PGAP3: variants seen among roughly 807,000 people sequenced by gnomAD.
PGAP3 encodes GPI-specific phospholipase A2-like PGAP3.
A neutral mutation model predicts 40.3 loss-of-function variants in PGAP3; 31 were observed. The observed-to-expected ratio is 0.77, with a 90% confidence interval of 0.58 to 1.04. PGAP3 has a LOEUF of 1.04. PGAP3 is among the 50% of genes least tolerant of loss of function. The pLI, the probability that PGAP3 is intolerant of heterozygous loss-of-function variation, is 0.00. For synonymous variants in PGAP3, 191 were observed against 184.5 expected, an observed-to-expected ratio of 1.04 and a Z score of -0.29; for missense variants, 413 against 423.0, an observed-to-expected ratio of 0.98 and a Z score of 0.21.
At chr17:39,678,965 T>A (rs907320000) in intron 3 of PGAP3, among the ~76,000 whole-genome samples, 4 of 151,902 alleles carry the variant, frequency 2.6e-5, no homozygotes, top group Admixed American at 2.0e-4. Context: ...TTTGTTTTTG[T>A]TTTTTTTGAG....
rs769690688 is a variant in PGAP3, at chr17:39,672,847, G to C, written c.919C>G (p.Leu307Val). 6.2e-7 allele frequency: 1 copy of C among 1,614,140 alleles called. No homozygotes were observed. Among genetic ancestry groups the C allele is most frequent in the Admixed American group, 1.7e-5 (1 of 60,018 alleles). The part of the protein sequence containing the change: ...LFFSFLEDDS[L>V]YLLKESEDKF... ...TCCTCTGATTCCTTCAGCAGGTACA[G>C]GCTGTCATCTTCCAGAAAGCTGTGG... The change falls in exon 8 of 8, where the codon CTG becomes GTG. Residue 307 changes from leucine (L) to valine (V), a missense_variant. Transcript: ENST00000300658.
chr17:39,684,080 C>T (rs886775707), intron 3 of PGAP3, among the ~76,000 whole-genome samples: 1 of 145,262 alleles, frequency 6.9e-6, no homozygotes, highest in African/African-American at 2.7e-5. Context: ...GCCAAGATTG[C>T]GCCATTTGCA....
rs1279739488 is a variant in PGAP3, at chr17:39,684,685, C to G, written c.344G>C (p.Gly115Ala). 6.2e-7 allele frequency: 1 copy of G among 1,613,918 alleles called. No homozygotes were observed. Among genetic ancestry groups the G allele is most frequent in the East Asian group, 2.2e-5 (1 of 44,856 alleles). Residue 115 changes from glycine (G) to alanine (A), a missense_variant, in exon 3 of 8, where the codon GGC becomes GCC. Gly to Ala is a moderately conservative substitution (Grantham distance 60, BLOSUM62 0). Transcript: ENST00000300658. ...GCAGAGCATCACCAGGCTGGCCAGG[C>G]CATTGAGAAACGAGGCCACGGCCGA... ...PASAVASFLN[G>A]LASLVMLCRY... is the part of the protein sequence containing the mutation.
rs768113897 is a variant in PGAP3 at position 39,671,281 on chromosome 17, GC to G, written c.*1521del. ...AGAGGGACAAGGGGTCAGGGGCAGA[GC>G]AAAAATCCAGTCTGCTTCAACCACG... On this transcript the variant is annotated 3_prime_UTR_variant, in exon 8 of 8. Coordinates refer to ENST00000300658, the MANE Select transcript of PGAP3 (RefSeq NM_033419.5). 2.0e-5 allele frequency: 3 copies of G among 152,532 alleles called. No individual in the cohort carries two copies. The highest frequency in any genetic ancestry group is 3.8e-4 in the East Asian group (2 of 5,324). The allele number at this position is 152,532 out of a possible 1,614,324, so 9.4% of individuals were successfully genotyped here. A position where few individuals can be genotyped will look rare whatever the true frequency, so the allele number is the denominator to read the frequency against.
At chr17:39,683,383 G>A (rs1460630814) in intron 3 of PGAP3, among the ~76,000 whole-genome samples, 2 of 152,154 alleles carry the variant, frequency 1.3e-5, no homozygotes, top group Non-Finnish European at 2.9e-5. Flanking sequence ...AGCCTTCCCT[G>A]ATGGCCCCAT....
At chr17:39,680,901 C>G (rs1458861123) in intron 3 of PGAP3, among the ~76,000 whole-genome samples, 2 of 152,006 alleles carry the variant, frequency 1.3e-5, no homozygotes, top group Non-Finnish European at 2.9e-5. Flanking sequence ...GTCACCCGGG[C>G]TAGAGCAACA....
At chr17:39,681,867 A>T (rs921808973) in intron 3 of PGAP3, among the ~76,000 whole-genome samples, 2 of 151,942 alleles carry the variant, frequency 1.3e-5, no homozygotes, top group Non-Finnish European at 2.9e-5. Context: ...TTTCCTGAAA[A>T]CAGGAGAGTC....
At chr17:39,677,518 A>G (rs1285094006) in intron 3 of PGAP3, among the ~76,000 whole-genome samples, 2 of 152,182 alleles carry the variant, frequency 1.3e-5, no homozygotes, top group Non-Finnish European at 2.9e-5. Context: ...AAGAGCAAGC[A>G]AAGGGGAAAG....
chr17:39,673,317 C>G lies in PGAP3; in HGVS notation c.695-62G>C, dbSNP rs903504. 1,020,310 of 1,558,288 alleles carry G rather than the reference C, an allele frequency of 0.65. 342,354 individuals are homozygous for G. Among genetic ancestry groups the G allele is most frequent in the South Asian group, 0.73 (63,144 of 86,050 alleles). On this transcript the variant is annotated intron_variant, in intron 6 of 7. Coordinates refer to ENST00000300658, the MANE Select transcript of PGAP3 (RefSeq NM_033419.5). The stretch of plus-strand genomic sequence containing the variant: ...CGGCTCCTTCTCCCCAAGGCCACCC[C>G]CAACTCCATGCTCTCTGACCCCAGG...
intron 3 of PGAP3, among the ~76,000 whole-genome samples, chr17:39,683,254 T>C (rs962119343): frequency 6.6e-6 from 1 of 152,046 alleles, no homozygotes; most frequent in African/African-American, 2.4e-5. Context: ...CCTCCCTCTC[T>C]CCCACCTGGG....
chr17:39,680,838 C>T (rs2057430053), intron 3 of PGAP3, among the ~76,000 whole-genome samples: 1 of 152,148 alleles, frequency 6.6e-6, no homozygotes, highest in Non-Finnish European at 1.5e-5. Context: ...ATCTCATCCA[C>T]ACCCACAGCT....
chr17:39,674,126 G>A (rs558938602), intron 4 of PGAP3, 72 bp from the exon 5 acceptor site: 1 of 1,495,752 alleles, frequency 6.7e-7, no homozygotes, highest in Non-Finnish European at 9.3e-7. Context: ...ATGGGGGCAT[G>A]GAGGAGTGGC....
chr17:39,674,650 T>C lies in PGAP3; in HGVS notation c.462A>G (p.Thr154=), dbSNP rs1324971590. 6.4e-7 allele frequency: 1 copy of C among 1,551,246 alleles called. No individual in the cohort carries two copies. Among genetic ancestry groups the C allele is most frequent in the Admixed American group, 2.0e-5 (1 of 50,980 alleles). Residue 154 remains threonine (T), a synonymous_variant, in exon 4 of 8, where the codon ACA becomes ACG. Coordinates refer to ENST00000300658, the MANE Select transcript of PGAP3 (RefSeq NM_033419.5). The part of the protein sequence containing the change: ...WVSLNAWFWS[T]VFHTRDTDLT... Reference sequence around the variant, plus strand: ...GGTCAGTGTCCCTGGTGTGGAAAACTGTGGACCAGAACCATGCATTGAGGG... The same window carrying C: ...GGTCAGTGTCCCTGGTGTGGAAAACCGTGGACCAGAACCATGCATTGAGGG...
At position 39,673,071 on chromosome 17, in the gene PGAP3, A is replaced by G; in HGVS notation, c.879T>C (p.Pro293=). 6.2e-7 allele frequency: 1 copy of G among 1,608,024 alleles called. No homozygotes were observed. Among genetic ancestry groups the G allele is most frequent in the Non-Finnish European group, 8.5e-7 (1 of 1,177,598 alleles). The stretch of plus-strand genomic sequence containing the variant: ...CCCACCTGAAAAAGAGGACGTGGAC[A>G]GGGATGGTGCTGATGTGCCAGATGG... ...AHAIWHISTI[P]VHVLFFSFLE... is the part of the protein sequence containing the mutation. Residue 293 remains proline (P), a synonymous_variant, in exon 7 of 8, where the codon CCT becomes CCC. Transcript: ENST00000300658.
chr17:39,673,872 TG>T, intron 5 of PGAP3, 120 bp downstream of exon 5: 1 of 1,299,790 alleles, frequency 7.7e-7, no homozygotes, highest in Non-Finnish European at 1.1e-6. Context: ...GCTGATGTGT[TG>T]GGGGTTGGGG....
chr17:39,680,740 C>A (rs2057429051), intron 3 of PGAP3, among the ~76,000 whole-genome samples: 1 of 152,234 alleles, frequency 6.6e-6, no homozygotes, highest in African/African-American at 2.4e-5. Context: ...GTGTCTGGCT[C>A]ATCTTCCTTT....
intron 3 of PGAP3, among the ~76,000 whole-genome samples, chr17:39,683,692 T>C (rs1162879535): frequency 1.3e-5 from 2 of 152,182 alleles, no homozygotes; most frequent in Non-Finnish European, 2.9e-5. Flanking sequence ...ACGGTCCATA[T>C]CTGCACCCCA....
In PGAP3 at chr17:39,671,407, T is replaced by C. The variant is rs1336821891; in HGVS notation, c.*1396A>G. On this transcript the variant is annotated 3_prime_UTR_variant, in exon 8 of 8. Transcript: ENST00000300658. ...TGCTGGTAAATGGCAGGGGTCACCT[T>C]TACCAGGGCGCAGGCATAGTGTGGC... is the stretch of plus-strand genomic sequence containing the variant. The C allele has an allele frequency of 6.6e-6, 1 of 152,276 alleles. No individual in the cohort carries two copies. 9.4% of individuals were successfully genotyped at this position (152,276 alleles called of 1,614,324 possible).
chr17:39,687,701 C>T (rs1467461763), intron 1 of PGAP3, 133 bp downstream of exon 1: 2 of 638,898 alleles, frequency 3.1e-6, no homozygotes, highest in East Asian at 3.4e-5. Context: ...CTCTCATCAC[C>T]TTAGGGGCTT....
Sources: gnomAD v4.1 joint callset for allele counts (sites outside exome capture counted in the v4.1 genomes callset) on GRCh38, gnomAD v4.1.1 for gene constraint, MANE v1.5 for transcripts, NCBI Gene and HGNC (gene_info 2026-07-23, HGNC 2026-07-21) for gene names.